SORCS2: variants seen among roughly 807,000 people sequenced by gnomAD.
The protein encoded by SORCS2 is VPS10 domain-containing receptor SorCS2.
Under a neutral mutation model 141.6 loss-of-function variants are expected in SORCS2, and 100 were observed. The ratio of observed to expected loss-of-function variants is 0.71; its 90% confidence interval spans 0.60 to 0.83. SORCS2 has a LOEUF of 0.83. SORCS2 is among the 40% of genes least tolerant of loss of function. The pLI is 0.00. For missense variants in SORCS2, 1,646 were observed against 1,560.2 expected (o/e 1.05, Z -0.93); for synonymous variants, 789 against 676.9 (o/e 1.17, Z -2.57).
At chr4:7,621,020 G>A (rs555876170) in intron 3 of SORCS2, among the ~76,000 whole-genome samples, 2 of 152,286 alleles carry the variant, frequency 1.3e-5, no homozygotes, top group African/African-American at 2.4e-5. Flanking sequence ...GGCACGGGGG[G>A]GTTGCCGGCC....
intron 3 of SORCS2, among the ~76,000 whole-genome samples, chr4:7,537,132 A>G (rs1466271380): frequency 6.6e-6 from 1 of 152,216 alleles, no homozygotes; most frequent in Admixed American, 6.5e-5. Context: ...GCTAGAAATC[A>G]GCAGCTCCTT....
intron 1 of SORCS2, among the ~76,000 whole-genome samples, chr4:7,323,387 C>T (rs1475682841): frequency 6.6e-6 from 1 of 152,156 alleles, no homozygotes; most frequent in African/African-American, 2.4e-5. Context: ...TGAAATACAG[C>T]CCACGGGCCT....
At chr4:7,257,248 G>T (rs2108815086) in intron 1 of SORCS2, among the ~76,000 whole-genome samples, 1 of 152,152 alleles carries the variant, frequency 6.6e-6, no homozygotes, top group East Asian at 1.9e-4. Flanking sequence ...TCGGCGGTGA[G>T]GTGAGGCTCG....
intron 3 of SORCS2, among the ~76,000 whole-genome samples, chr4:7,557,776 T>G (rs1275409163): frequency 6.6e-6 from 1 of 152,186 alleles, no homozygotes; most frequent in Non-Finnish European, 1.5e-5. Context: ...AGACTTGGCC[T>G]GCCCCGATGT....
At chr4:7,725,120 A>G (rs2285777) in intron 19 of SORCS2, 34 bp from the exon 20 acceptor site, 609,672 of 1,599,262 alleles carry the variant, frequency 0.38, 117,349 homozygotes, top group South Asian at 0.4. Flanking sequence ...ATGCCCTGAT[A>G]TCATCTAACC....
intron 1 of SORCS2, among the ~76,000 whole-genome samples, chr4:7,304,704 G>A (rs952660876): frequency 7.2e-5 from 11 of 152,330 alleles, no homozygotes; most frequent in Middle Eastern, 3.4e-3. Flanking sequence ...CCTGGTGGGC[G>A]GCTCAGCTGG....
chr4:7,375,964 T>C (rs944911730), intron 1 of SORCS2, among the ~76,000 whole-genome samples: 2 of 152,218 alleles, frequency 1.3e-5, no homozygotes, highest in African/African-American at 4.8e-5. Flanking sequence ...CAGAGGTTGT[T>C]ATGGAGATTA....
intron 26 of SORCS2, 136 bp from the exon 27 acceptor site, chr4:7,740,064 A>G (rs1712534049): frequency 1.4e-6 from 1 of 695,806 alleles, no homozygotes; most frequent in Non-Finnish European, 2.5e-6. Flanking sequence ...CTGCACCTGC[A>G]CGGGCTGAAG....
chr4:7,433,783 C>T, intron 2 of SORCS2: 1 of 1,613,578 alleles, frequency 6.2e-7, no homozygotes, highest in Non-Finnish European at 8.5e-7. Context: ...CCGGTTGCCA[C>T]ACAGACGGAT....
chr4:7,689,643 C>A, intron 11 of SORCS2, 55 bp downstream of exon 11: 1 of 1,488,174 alleles, frequency 6.7e-7, no homozygotes, highest in Non-Finnish European at 9.1e-7. Flanking sequence ...CCAAGAGTAC[C>A]TCCAATCTTA....
At chr4:7,640,747 C>G (rs1354034921) in intron 4 of SORCS2, among the ~76,000 whole-genome samples, 1 of 152,066 alleles carries the variant, frequency 6.6e-6, no homozygotes, top group Non-Finnish European at 1.5e-5. Flanking sequence ...AGAACCTCTG[C>G]CCAACAGGAG....
chr4:7,476,804 G>T (rs1357408989), intron 2 of SORCS2, among the ~76,000 whole-genome samples: 1 of 152,122 alleles, frequency 6.6e-6, no homozygotes, highest in East Asian at 1.9e-4. Flanking sequence ...CCACGACTCT[G>T]GTCATCATTT....
At chr4:7,343,111 C>T (rs1387412976) in intron 1 of SORCS2, among the ~76,000 whole-genome samples, 1 of 152,216 alleles carries the variant, frequency 6.6e-6, no homozygotes, top group African/African-American at 2.4e-5. Context: ...TTCTTCCGGG[C>T]ACGGCAACAG....
chr4:7,416,667 C>G (rs1318657936), intron 2 of SORCS2, among the ~76,000 whole-genome samples: 1 of 152,154 alleles, frequency 6.6e-6, no homozygotes, highest in Non-Finnish European at 1.5e-5. Flanking sequence ...CATGCACACA[C>G]TTGTGTGCAC....
Position 7,241,397 on chromosome 4 carries a change from A to G in SORCS2, c.480+48271A>G, listed in dbSNP as rs574043580. Among the ~76,000 whole-genome samples, 5 of 152,288 alleles carry G rather than the reference A, an allele frequency of 3.3e-5. No homozygotes were observed. The East Asian group carries it at 9.7e-4, about 29-fold the overall frequency. On this transcript the variant is annotated intron_variant, in intron 1 of 26. Coordinates refer to ENST00000507866, the MANE Select transcript of SORCS2 (RefSeq NM_020777.3). The stretch of plus-strand genomic sequence containing the variant: ...GGCCCCGGTTGTTGTGTGGTCCAGC[A>G]TGAACGCTCCCAGTGGCCCTATAGA...
intron 1 of SORCS2, among the ~76,000 whole-genome samples, chr4:7,370,070 C>T (rs1044330431): frequency 6.6e-6 from 1 of 152,158 alleles, no homozygotes; most frequent in Non-Finnish European, 1.5e-5. Flanking sequence ...GGCCTCAGTG[C>T]CCCCCCAGCT....
At chr4:7,694,355 G>C (rs972332345) in intron 11 of SORCS2, among the ~76,000 whole-genome samples, 1 of 152,104 alleles carries the variant, frequency 6.6e-6, no homozygotes, top group Non-Finnish European at 1.5e-5. Context: ...GAGGGTGTCA[G>C]CCTCAGCTTT....
At chr4:7,244,333 G>C (rs749716561) in intron 1 of SORCS2, among the ~76,000 whole-genome samples, 1 of 152,198 alleles carries the variant, frequency 6.6e-6, no homozygotes, top group African/African-American at 2.4e-5. Flanking sequence ...AAGTCATTCC[G>C]AAGATTCATG....
chr4:7,666,493 C>T (rs1560468049), intron 7 of SORCS2, among the ~76,000 whole-genome samples: 1 of 152,200 alleles, frequency 6.6e-6, no homozygotes, highest in Non-Finnish European at 1.5e-5. Context: ...GATCTGGGAG[C>T]CTGTGCTGGG....
Sources: gnomAD v4.1 joint callset for allele counts (sites outside exome capture counted in the v4.1 genomes callset) on GRCh38, gnomAD v4.1.1 for gene constraint, MANE v1.5 for transcripts, NCBI Gene and HGNC (gene_info 2026-07-23, HGNC 2026-07-21) for gene names.